TECRL: variants seen among roughly 807,000 people sequenced by gnomAD.
TECRL encodes trans-2,3-enoyl-CoA reductase like.
A neutral mutation model predicts 52.8 loss-of-function variants in TECRL; 63 were observed. That is an observed-to-expected ratio of 1.19 (90% CI 0.97 to 1.47). The LOEUF (loss-of-function observed/expected upper bound fraction) is 1.47. Among genes scored for constraint, TECRL ranks in the 40% most tolerant of loss-of-function variants. The pLI is 0.00. For synonymous variants in TECRL, 164 were observed against 141.9 expected (o/e 1.16, Z -1.10); for missense variants, 482 against 429.6 (o/e 1.12, Z -1.08).
chr4:64,299,292 T>G lies in TECRL; in HGVS notation c.774+682A>C, dbSNP rs1390667788. 5.3e-5 allele frequency: 8 copies of G among 151,068 alleles called. No individual in the cohort carries two copies. The Admixed American group carries it at 5.3e-4, about 10-fold the overall frequency. The allele number at this position is 151,068 out of a possible 1,614,324, so 9.4% of individuals were successfully genotyped here. On this transcript the variant is annotated intron_variant, in intron 8 of 11. Coordinates refer to ENST00000381210, the MANE Select transcript of TECRL (RefSeq NM_001010874.5). Reference sequence around the variant, plus strand: ...GAAATAAGTTGTTGAACACAAACTTTGCAAGAAATATGAACTTGTAGATGA... The same window carrying G: ...GAAATAAGTTGTTGAACACAAACTTGGCAAGAAATATGAACTTGTAGATGA...
At position 64,314,629 on chromosome 4, in the gene TECRL, G is replaced by T. The variant is rs1717348585; in HGVS notation, c.551+19C>A. On this transcript the variant is annotated intron_variant, in intron 5 of 11. Coordinates refer to ENST00000381210, the MANE Select transcript of TECRL (RefSeq NM_001010874.5). ...TGTGTGTGTGTGTGTGTGTGTGTGT[G>T]TGTGTGTGTATCACTTACTGTACCA... 1.1e-6 allele frequency: 1 copy of T among 883,854 alleles called. No individual in the cohort carries two copies. The highest frequency in any genetic ancestry group is 1.5e-5 in the South Asian group (1 of 66,692). The allele number at this position is 883,854 out of a possible 1,614,324, so 54.8% of individuals were successfully genotyped here. A position where few individuals can be genotyped will look rare whatever the true frequency, so the allele number is the denominator to read the frequency against.
intron 4 of TECRL, among the ~76,000 whole-genome samples, chr4:64,315,637 A>G (rs1223208594): frequency 1.3e-5 from 2 of 152,106 alleles, no homozygotes; most frequent in East Asian, 1.9e-4. Context: ...TTGAATCTGC[A>G]TGTTTTGCTC....
intron 1 of TECRL, among the ~76,000 whole-genome samples, chr4:64,398,227 T>A (rs1257246408): frequency 1.3e-5 from 2 of 152,126 alleles, no homozygotes; most frequent in African/African-American, 2.4e-5. Context: ...TTATGGAAGG[T>A]TGTATTTCTC....
At chr4:64,409,073 GAAACACTT>G (rs769978766) in intron 1 of TECRL, 37 bp downstream of exon 1, 2 of 1,468,024 alleles carry the variant, frequency 1.4e-6, no homozygotes, top group Non-Finnish European at 9.2e-7. Flanking sequence ...GGGCAGAGAA[GAAACACTT>G]AAACAAACAA....
chr4:64,289,008 C>T (rs2109944361), intron 9 of TECRL, among the ~76,000 whole-genome samples: 1 of 152,320 alleles, frequency 6.6e-6, no homozygotes, highest in East Asian at 1.9e-4. Context: ...AGGGAAGATG[C>T]TTCCACGATC....
intron 2 of TECRL, among the ~76,000 whole-genome samples, chr4:64,352,465 A>G (rs2109578534): frequency 6.6e-6 from 1 of 152,326 alleles, no homozygotes; most frequent in East Asian, 1.9e-4. Context: ...CATGATTCAT[A>G]ATAATATTGC....
At chr4:64,283,248 T>A (rs1722919166) in intron 9 of TECRL, among the ~76,000 whole-genome samples, 1 of 152,052 alleles carries the variant, frequency 6.6e-6, no homozygotes, top group Admixed American at 6.6e-5. Flanking sequence ...ATTTCTTCTA[T>A]CCAGAAAACT....
intron 2 of TECRL, among the ~76,000 whole-genome samples, chr4:64,341,750 G>A (rs570790213): frequency 6.6e-6 from 1 of 152,286 alleles, no homozygotes; most frequent in South Asian, 2.1e-4. Flanking sequence ...CCCTGTGGTT[G>A]CTGGCATTTC....
In TECRL at chr4:64,297,501, G is replaced by C. The variant is rs1176790318; in HGVS notation, c.774+2473C>G. Among the ~76,000 whole-genome samples, 3 of 150,780 alleles carry C rather than the reference G, an allele frequency of 2.0e-5. No individual in the cohort carries two copies. The East Asian group carries it at 5.8e-4, about 29-fold the overall frequency. On this transcript the variant is annotated intron_variant, in intron 8 of 11. Transcript: ENST00000381210. ...TCTGGTTGAATTGCATATTATATAA[G>C]ATCGATCCATTAATTTCTCCTTTGT...
At position 64,335,599 on chromosome 4, in the gene TECRL, A is replaced by T. The variant is rs574709118; in HGVS notation, c.287-7043T>A. Among the ~76,000 whole-genome samples, 4 of 152,266 alleles carry T rather than the reference A, an allele frequency of 2.6e-5. No homozygotes were observed. The South Asian group carries it at 8.3e-4, about 32-fold the overall frequency. On this transcript the variant is annotated intron_variant, in intron 2 of 11. Transcript: ENST00000381210. ...TTCCATGAAACTGGTCTCTGGTGCC[A>T]AAAAGGTTGGGGACTGCTGCTTTAG...
rs139107304 is a variant in TECRL, at chr4:64,285,303, A to G, written c.833-3744T>C. 3.5e-3 allele frequency among the ~76,000 whole-genome samples: 526 copies of G among 152,200 alleles called. 3 individuals are homozygous for G. The highest frequency in any genetic ancestry group is 0.012 in the African/African-American group (507 of 41,552). On this transcript the variant is annotated intron_variant, in intron 9 of 11. Transcript: ENST00000381210. ...GGGTTATCCTAGCTTCAGATACCCAATAGAGTTGACTGAGTCCATTCTTGT... is the reference window on the plus strand; with the variant it reads ...GGGTTATCCTAGCTTCAGATACCCAGTAGAGTTGACTGAGTCCATTCTTGT...
At chr4:64,329,196 G>C (rs755359989) in intron 2 of TECRL, among the ~76,000 whole-genome samples, 2 of 151,788 alleles carry the variant, frequency 1.3e-5, no homozygotes, top group Non-Finnish European at 2.9e-5. Context: ...ACAATTATCA[G>C]AATATAACTT....
intron 2 of TECRL, among the ~76,000 whole-genome samples, chr4:64,342,756 A>T (rs1704379034): frequency 1.3e-5 from 2 of 152,154 alleles, no homozygotes; most frequent in African/African-American, 2.4e-5. Flanking sequence ...ATAATATGTC[A>T]AATTACAAAA....
intron 2 of TECRL, among the ~76,000 whole-genome samples, chr4:64,369,064 T>C (rs891695158): frequency 6.6e-6 from 1 of 152,156 alleles, no homozygotes; most frequent in Non-Finnish European, 1.5e-5. Flanking sequence ...AGTAGTCTGA[T>C]AGATAATAAA....
intron 7 of TECRL, among the ~76,000 whole-genome samples, chr4:64,301,148 A>G (rs1723997935): frequency 2.6e-5 from 4 of 151,012 alleles, no homozygotes; most frequent in African/African-American, 9.7e-5. Context: ...AAATATTAGC[A>G]GAGAACATTT....
intron 2 of TECRL, among the ~76,000 whole-genome samples, chr4:64,329,579 A>C (rs1386982206): frequency 6.6e-6 from 1 of 151,926 alleles, no homozygotes; most frequent in Non-Finnish European, 1.5e-5. Context: ...GGTATTGTAA[A>C]TGCATACACT....
intron 6 of TECRL, among the ~76,000 whole-genome samples, chr4:64,305,464 G>A (rs1234864947): frequency 6.6e-6 from 1 of 152,128 alleles, no homozygotes; most frequent in African/African-American, 2.4e-5. Flanking sequence ...GTAGGGGCTG[G>A]TTAGGCAGGC....
chr4:64,384,404 T>A (rs1348700695), intron 1 of TECRL, among the ~76,000 whole-genome samples: 2 of 152,050 alleles, frequency 1.3e-5, no homozygotes, highest in Non-Finnish European at 2.9e-5. Flanking sequence ...AGTTGGCATA[T>A]GCAAATGAGT....
intron 6 of TECRL, among the ~76,000 whole-genome samples, chr4:64,309,082 A>C (rs1724513632): frequency 6.6e-6 from 1 of 152,154 alleles, no homozygotes; most frequent in South Asian, 2.1e-4. Flanking sequence ...GATTTGATTG[A>C]TTGTAATATC....
Sources: gnomAD v4.1 joint callset for allele counts (sites outside exome capture counted in the v4.1 genomes callset) on GRCh38, gnomAD v4.1.1 for gene constraint, MANE v1.5 for transcripts, NCBI Gene and HGNC (gene_info 2026-07-23, HGNC 2026-07-21) for gene names.